The following ZNF608 variants were observed in gnomAD, a reference collection of about 807,000 sequenced individuals.
ZNF608 encodes the protein renal carcinoma antigen NY-REN-36.
Under a neutral mutation model 109.0 loss-of-function variants are expected in ZNF608, and 12 were observed. The observed-to-expected ratio is 0.11, with a 90% CI of 0.07 to 0.18. The LOEUF (loss-of-function observed/expected upper bound fraction) is 0.18. Ranked by LOEUF, ZNF608 falls within the 10% of genes least tolerant of loss-of-function variation. The probability of loss-of-function intolerance (pLI) is 1.00; values close to 1 mark genes in which losing one functional copy is unlikely to be tolerated. For missense variants in ZNF608, 1,707 were observed against 1,879.3 expected (o/e 0.91, Z 1.70); for synonymous variants, 732 against 717.4 (o/e 1.02, Z -0.33).
chr5:124,700,851 G>A (rs1007319403), intron 3 of ZNF608, among the ~76,000 whole-genome samples, 163 bp downstream of exon 3: 1 of 152,106 alleles, frequency 6.6e-6, no homozygotes. Flanking sequence ...TGCACAAGAA[G>A]ACAAACACGG....
chr5:124,654,550 T>TA (rs1231312782), intron 3 of ZNF608, among the ~76,000 whole-genome samples: 1 of 152,182 alleles, frequency 6.6e-6, no homozygotes, highest in African/African-American at 2.4e-5. Flanking sequence ...AGACAGCCAT[T>TA]CTCTCCTGGA....
upstream of ZNF608, chr5:124,746,666 A>T (rs1410210474): frequency 2.0e-6 from 2 of 985,388 alleles, no homozygotes; most frequent in Non-Finnish European, 2.4e-6. Context: ...ACATCGGGAT[A>T]AATTAGTGAA....
intron 3 of ZNF608, among the ~76,000 whole-genome samples, chr5:124,656,091 A>C (rs1218756131): frequency 1.3e-5 from 2 of 152,174 alleles, no homozygotes; most frequent in Non-Finnish European, 2.9e-5. Context: ...GTCACTTTAA[A>C]CACATCCTGT....
At chr5:124,745,720 G>A (rs962956369) in intron 1 of ZNF608, among the ~76,000 whole-genome samples, 2 of 151,950 alleles carry the variant, frequency 1.3e-5, no homozygotes, top group African/African-American at 4.8e-5. Flanking sequence ...AAATTGTCTG[G>A]GCAATCTGTT....
intron 3 of ZNF608, among the ~76,000 whole-genome samples, chr5:124,688,143 T>C (rs527514565): frequency 1.3e-5 from 2 of 152,268 alleles, no homozygotes; most frequent in African/African-American, 2.4e-5. Flanking sequence ...CAGACTAATT[T>C]TCTCCCTTGA....
intron 2 of ZNF608, among the ~76,000 whole-genome samples, chr5:124,732,533 T>C (rs1295673030): frequency 6.6e-6 from 1 of 151,812 alleles, no homozygotes; most frequent in Non-Finnish European, 1.5e-5. Context: ...AAAGGGGTTT[T>C]TTTGTTTGTT....
intron 3 of ZNF608, among the ~76,000 whole-genome samples, chr5:124,680,892 AG>A (rs1425362079): frequency 5.3e-5 from 8 of 152,130 alleles, no homozygotes; most frequent in Non-Finnish European, 1.2e-4. Flanking sequence ...AAACTACATG[AG>A]GGAAATGAAA....
At chr5:124,670,997 C>T (rs1461611809) in intron 3 of ZNF608, among the ~76,000 whole-genome samples, 2 of 152,186 alleles carry the variant, frequency 1.3e-5, no homozygotes, top group Non-Finnish European at 2.9e-5. Flanking sequence ...CTGTATTCTA[C>T]CTGCTATTAA....
At chr5:124,654,263 C>A (rs1206431412) in intron 3 of ZNF608, among the ~76,000 whole-genome samples, 1 of 152,034 alleles carries the variant, frequency 6.6e-6, no homozygotes, top group Non-Finnish European at 1.5e-5. Flanking sequence ...CTCAAGCAAT[C>A]CTCCCCCGTC....
At position 124,675,671 on chromosome 5, in the gene ZNF608, C is replaced by A. The variant is rs889580658; in HGVS notation, c.1162+25343G>T. Among the ~76,000 whole-genome samples, 4 of 152,112 alleles carry A rather than the reference C, an allele frequency of 2.6e-5. No individual in the cohort carries two copies. In the East Asian group the frequency reaches 7.7e-4, roughly 29 times the overall value. Reference sequence around the variant, plus strand: ...TGTCAGGATTCATTCCATGAGACTACGGCCATCATTTTTTTAGAAATACCC... The same window carrying A: ...TGTCAGGATTCATTCCATGAGACTAAGGCCATCATTTTTTTAGAAATACCC... On this transcript the variant is annotated intron_variant, in intron 3 of 9. Transcript: ENST00000513986.
chr5:124,735,961 T>C (rs1749121957), intron 2 of ZNF608, among the ~76,000 whole-genome samples: 1 of 151,996 alleles, frequency 6.6e-6, no homozygotes, highest in Non-Finnish European at 1.5e-5. Context: ...CCTCCACTTC[T>C]CAAAATGTTG....
At chr5:124,642,881 G>A (rs1471231251) in intron 7 of ZNF608, among the ~76,000 whole-genome samples, 2 of 151,724 alleles carry the variant, frequency 1.3e-5, no homozygotes, top group African/African-American at 4.8e-5. Context: ...ATTTTTAGTA[G>A]AGACGGAGTT....
chr5:124,742,507 C>A (rs1749456522), intron 2 of ZNF608, among the ~76,000 whole-genome samples: 1 of 152,044 alleles, frequency 6.6e-6, no homozygotes, highest in South Asian at 2.1e-4. Flanking sequence ...AAGTAAATGC[C>A]CTACTGTACT....
At chr5:124,728,131 T>C (rs1748702562) in intron 2 of ZNF608, among the ~76,000 whole-genome samples, 1 of 152,132 alleles carries the variant, frequency 6.6e-6, no homozygotes, top group Non-Finnish European at 1.5e-5. Flanking sequence ...AGGTGTGATT[T>C]AAGACACCAG....
rs748019116 is a variant in ZNF608 at position 124,648,934 on chromosome 5, T to C, written c.1450A>G (p.Asn484Asp). 6.2e-7 allele frequency: 1 copy of C among 1,613,946 alleles called. No individual in the cohort carries two copies. Among genetic ancestry groups the C allele is most frequent in the African/African-American group, 1.3e-5 (1 of 74,892 alleles). The change falls in exon 5 of 10, where the codon AAT becomes GAT. Residue 484 changes from asparagine to aspartate, a missense_variant. Asn to Asp is a conservative substitution (Grantham distance 23). Coordinates refer to ENST00000513986, the MANE Select transcript of ZNF608 (RefSeq NM_020747.3). ...LNASGRRTPPNCAAEDIKASP... is the reference protein window; with the variant it reads ...LNASGRRTPPDCAAEDIKASP... ...GCTTTGATATCCTCAGCAGCACAAT[T>C]TGGGGGTGTCCTTCGTCCGCTGGCA...
chr5:124,640,617 T>C (rs1298657166), intron 8 of ZNF608, among the ~76,000 whole-genome samples: 3 of 152,206 alleles, frequency 2.0e-5, no homozygotes, highest in South Asian at 2.1e-4. Context: ...GTAAAGATGG[T>C]GCCACCACCC....
At chr5:124,670,902 T>C (rs1204621903) in intron 3 of ZNF608, among the ~76,000 whole-genome samples, 1 of 152,206 alleles carries the variant, frequency 6.6e-6, no homozygotes, top group African/African-American at 2.4e-5. Flanking sequence ...TATTCTTAGA[T>C]AGAAAACTTT....
intron 3 of ZNF608, among the ~76,000 whole-genome samples, chr5:124,651,370 T>G (rs1033361671): frequency 6.6e-6 from 1 of 152,160 alleles, no homozygotes; most frequent in African/African-American, 2.4e-5. Context: ...GGTTTTCTCA[T>G]CATCTTCTCT....
At chr5:124,693,510 T>G (rs961165157) in intron 3 of ZNF608, among the ~76,000 whole-genome samples, 12 of 152,166 alleles carry the variant, frequency 7.9e-5, no homozygotes, top group African/African-American at 2.9e-4. Flanking sequence ...GGCTACAATA[T>G]CAACCAACAC....
Sources: gnomAD v4.1 joint callset for allele counts (sites outside exome capture counted in the v4.1 genomes callset) on GRCh38, gnomAD v4.1.1 for gene constraint, MANE v1.5 for transcripts, NCBI Gene and HGNC (gene_info 2026-07-23, HGNC 2026-07-21) for gene names.